Variants in C18orf63 observed in about 807,000 individuals in gnomAD.
C18orf63 encodes uncharacterized protein C18orf63.
C18orf63 carries 50 observed loss-of-function variants against 75.3 expected under a neutral mutation model. The observed-to-expected ratio is 0.66, with a 90% CI of 0.53 to 0.84. The LOEUF (loss-of-function observed/expected upper bound fraction) is 0.84, where lower values mean the gene tolerates loss of function less well. C18orf63 is among the 40% of genes least tolerant of loss of function. The pLI, the probability that C18orf63 is intolerant of heterozygous loss-of-function variation, is 0.00. For missense variants in C18orf63, 732 were observed against 800.2 expected (o/e 0.91, Z 1.03); for synonymous variants, 232 against 267.6 (o/e 0.87, Z 1.30).
At chr18:74,336,959 ACT>A (rs911139627) in intron 7 of C18orf63, among the ~76,000 whole-genome samples, 5 of 151,358 alleles carry the variant, frequency 3.3e-5, no homozygotes, top group Non-Finnish European at 7.4e-5. Context: ...TCTAATTCAG[ACT>A]CTCTTTTTTT....
At chr18:74,335,526 A>G (rs1050808794) in intron 7 of C18orf63, among the ~76,000 whole-genome samples, 31 of 152,282 alleles carry the variant, frequency 2.0e-4, no homozygotes, top group Middle Eastern at 3.4e-3. Context: ...AAAGGAATTT[A>G]TATGCACAAG....
intron 11 of C18orf63, among the ~76,000 whole-genome samples, chr18:74,344,940 T>C (rs1167975727): frequency 6.6e-6 from 1 of 152,112 alleles, no homozygotes; most frequent in African/African-American, 2.4e-5. Context: ...AGAATTGGTA[T>C]GGGTATTTCC....
rs561534459 is a variant in C18orf63, at chr18:74,353,824, T to C, written c.1557T>C (p.Ser519=). 2.4e-4 allele frequency: 362 copies of C among 1,536,036 alleles called. 1 individual carries two copies. Among genetic ancestry groups the C allele is most frequent in the Middle Eastern group, 1.7e-3 (10 of 5,990 alleles). ...RPLQEKNTES[S]ENMTKFPSSR... ...TGCAAGAAAAAAATACAGAGTCTTC[T>C]GAAAATATGACAAAATTTCCCTCTT... The change falls in exon 12 of 14, where the codon TCT becomes TCC. Residue 519 remains serine, a synonymous_variant. Transcript: ENST00000579455.
At chr18:74,344,773 T>C (rs1372539785) in intron 11 of C18orf63, among the ~76,000 whole-genome samples, 1 of 152,154 alleles carries the variant, frequency 6.6e-6, no homozygotes, top group African/African-American at 2.4e-5. Flanking sequence ...TTTTCCTTTA[T>C]ATGTAGCATT....
In C18orf63 at chr18:74,349,302, C is replaced by G. The variant is rs541926002; in HGVS notation, c.979-3944C>G. Among the ~76,000 whole-genome samples, 5 of 152,112 alleles carry G rather than the reference C, an allele frequency of 3.3e-5. No individual in the cohort carries two copies. The South Asian group carries it at 8.3e-4, about 25-fold the overall frequency. On this transcript the variant is annotated intron_variant, in intron 11 of 13. Transcript: ENST00000579455. ...ATGTTCTTCAATCCAATTTAGGAAC[C>G]CTTCTTCTCACGATAGCATCTGTGC... is the stretch of plus-strand genomic sequence containing the variant.
chr18:74,340,010 G>A (rs532749962), intron 8 of C18orf63, among the ~76,000 whole-genome samples: 1 of 152,192 alleles, frequency 6.6e-6, no homozygotes, highest in East Asian at 1.9e-4. Flanking sequence ...GACAAATGTG[G>A]TTACATCACT....
intron 6 of C18orf63, 40 bp from the exon 7 acceptor site, chr18:74,330,826 A>G (rs1346866258): frequency 5.3e-6 from 4 of 750,170 alleles, no homozygotes; most frequent in South Asian, 1.8e-5. Flanking sequence ...TAGTAGAGTA[A>G]TAATTCCAGG....
chr18:74,317,577 C>T (rs778689447), intron 1 of C18orf63, among the ~76,000 whole-genome samples: 2 of 152,076 alleles, frequency 1.3e-5, no homozygotes, highest in Admixed American at 6.6e-5. Context: ...CAGTAAAAAA[C>T]AGTGAATTGT....
rs1984780727 is a variant in C18orf63 at position 74,357,121 on chromosome 18, G to A, written c.*674G>A. 6.6e-6 allele frequency: 1 copy of A among 152,180 alleles called. No individual in the cohort carries two copies. Among genetic ancestry groups the A allele is most frequent in the Non-Finnish European group, 1.5e-5 (1 of 68,032 alleles). 9.4% of individuals were successfully genotyped at this position (152,180 alleles called of 1,614,324 possible). A position where few individuals can be genotyped will look rare whatever the true frequency, so the allele number is the denominator to read the frequency against. On this transcript the variant is annotated 3_prime_UTR_variant, in exon 14 of 14. Coordinates refer to ENST00000579455, the MANE Select transcript of C18orf63 (RefSeq NM_001174123.2). ...TATATGCAAATTAACAGGAAGCCCT[G>A]AATAAATGTAAAAGCTATTTCTCAA...
At chr18:74,326,196 T>G (rs760931213) in intron 4 of C18orf63, among the ~76,000 whole-genome samples, 1 of 152,174 alleles carries the variant, frequency 6.6e-6, no homozygotes, top group Non-Finnish European at 1.5e-5. Flanking sequence ...GAAATTTGGT[T>G]CCATCCTCTG....
rs1335365065 is a variant in C18orf63, at chr18:74,357,030, A to G, written c.*583A>G. On this transcript the variant is annotated 3_prime_UTR_variant, in exon 14 of 14. Transcript: ENST00000579455. ...TTTTTAAGAAAAAAAGAATGTGTAT[A>G]TATATATTACATTTTGGGGATCTCT... 3 of 152,230 alleles carry G rather than the reference A, an allele frequency of 2.0e-5. No individual in the cohort carries two copies. The highest frequency in any genetic ancestry group is 4.8e-5 in the African/African-American group (2 of 41,466). The allele number at this position is 152,230 out of a possible 1,614,324, so 9.4% of individuals were successfully genotyped here.
rs185554110 is a variant in C18orf63 at position 74,328,522 on chromosome 18, C to T, written c.382+464C>T. Among the ~76,000 whole-genome samples, 4 of 152,244 alleles carry T rather than the reference C, an allele frequency of 2.6e-5. No individual in the cohort carries two copies. In the East Asian group the frequency reaches 7.7e-4, roughly 29 times the overall value. ...GATATACAATTTTTAGAAAATAACT[C>T]TTAAAACTGACCCAATTAAGCAATC... On this transcript the variant is annotated intron_variant, in intron 5 of 13. Coordinates refer to ENST00000579455, the MANE Select transcript of C18orf63 (RefSeq NM_001174123.2).
chr18:74,353,434 AGAGTCT>A lies in C18orf63; in HGVS notation c.1169_1174del (p.Glu390_Ser391del). 1 of 1,536,372 alleles carries A rather than the reference AGAGTCT, an allele frequency of 6.5e-7. No homozygotes were observed. The highest frequency in any genetic ancestry group is 8.7e-7 in the Non-Finnish European group (1 of 1,146,964). ...TTTTCTCAGCTTTGCATCTCCAGCC[AGAGTCT>A]GTTCAGGGTAGAAAGAAATCCCTGT... On this transcript the variant is annotated inframe_deletion, in exon 12 of 14. Coordinates refer to ENST00000579455, the MANE Select transcript of C18orf63 (RefSeq NM_001174123.2).
chr18:74,317,730 T>C, intron 1 of C18orf63, 104 bp from the exon 2 acceptor site: 1 of 611,630 alleles, frequency 1.6e-6, no homozygotes. Context: ...AACTTGTTTG[T>C]ATCATCCCAT....
Position 74,320,964 on chromosome 18 carries a change from C to G in C18orf63, c.213+373C>G, listed in dbSNP as rs779556704. On this transcript the variant is annotated intron_variant, in intron 3 of 13. Coordinates refer to ENST00000579455, the MANE Select transcript of C18orf63 (RefSeq NM_001174123.2). ...CAAATCTCCAGTTGTTTTTAAAGAA[C>G]TTGGATCAACATTTCTTCTAATGGA... 4.3e-4 allele frequency among the ~76,000 whole-genome samples: 66 copies of G among 152,028 alleles called. 1 individual carries two copies. Among genetic ancestry groups the G allele is most frequent in the Admixed American group, 1.0e-3 (16 of 15,268 alleles).
Position 74,320,510 on chromosome 18 carries a change from C to A in C18orf63, c.135-3C>A. 6.5e-7 allele frequency: 1 copy of A among 1,528,722 alleles called. No individual in the cohort carries two copies. The allele number at this position is 1,528,722 out of a possible 1,614,324, so 94.7% of individuals were successfully genotyped here. On this transcript the variant is annotated splice_region_variant and splice_polypyrimidine_tract_variant and intron_variant, in intron 2 of 13. Transcript: ENST00000579455. Reference sequence around the variant, plus strand: ...CACTTTGTAATATATTTCATCTCCACAGGCAATTGCTGTTTTTGCATCAAG... The same window carrying A: ...CACTTTGTAATATATTTCATCTCCAAAGGCAATTGCTGTTTTTGCATCAAG...
chr18:74,330,795 T>C (rs1984291648), intron 6 of C18orf63, 71 bp from the exon 7 acceptor site: 1 of 589,118 alleles, frequency 1.7e-6, no homozygotes, highest in Non-Finnish European at 2.8e-6. Context: ...GTTTCCTTTG[T>C]TACTAAAATA....
chr18:74,328,649 T>C (rs1984248998), intron 5 of C18orf63, among the ~76,000 whole-genome samples: 1 of 152,196 alleles, frequency 6.6e-6, no homozygotes, highest in Non-Finnish European at 1.5e-5. Flanking sequence ...TACTTGATAC[T>C]TAGGAATAAA....
In C18orf63 at chr18:74,317,837, T is replaced by C; in HGVS notation, c.-29T>C. ...TTTTTGCTGTTTATTTTTAAAGGCC[T>C]GATTGCTGAGACACTCAGTCAGGAA... On this transcript the variant is annotated 5_prime_UTR_variant, in exon 2 of 14. Transcript: ENST00000579455. 6.6e-7 allele frequency: 1 copy of C among 1,505,074 alleles called. No homozygotes were observed. Among genetic ancestry groups the C allele is most frequent in the Non-Finnish European group, 8.8e-7 (1 of 1,130,506 alleles). The allele number at this position is 1,505,074 out of a possible 1,614,324, so 93.2% of individuals were successfully genotyped here. A position where few individuals can be genotyped will look rare whatever the true frequency, so the allele number is the denominator to read the frequency against.
Sources: gnomAD v4.1 joint callset for allele counts (sites outside exome capture counted in the v4.1 genomes callset) on GRCh38, gnomAD v4.1.1 for gene constraint, MANE v1.5 for transcripts, NCBI Gene and HGNC (gene_info 2026-07-23, HGNC 2026-07-21) for gene names.